Variants in NUS1 observed in about 807,000 individuals in gnomAD.
NUS1 encodes NUS1 dehydrodolichyl diphosphate synthase subunit.
For synonymous variants in NUS1, 135 were observed against 155.2 expected, an observed-to-expected ratio of 0.87 and a Z score of 0.97; for missense variants, 292 against 382.9, an observed-to-expected ratio of 0.76 and a Z score of 1.98.
chr6:117,709,555 G>A lies in NUS1; in HGVS notation c.*2540G>A, dbSNP rs1773547263. 1 of 148,462 alleles carries A rather than the reference G, an allele frequency of 6.7e-6. No individual in the cohort carries two copies. The highest frequency in any genetic ancestry group is 1.5e-5 in the Non-Finnish European group (1 of 67,048). The allele number at this position is 148,462 out of a possible 1,614,324, so 9.2% of individuals were successfully genotyped here. A position where few individuals can be genotyped will look rare whatever the true frequency, so the allele number is the denominator to read the frequency against. On this transcript the variant is annotated 3_prime_UTR_variant, in exon 5 of 5. Coordinates refer to ENST00000368494, the MANE Select transcript of NUS1 (RefSeq NM_138459.5). ...GAGAGGAAGGTGTTATAATATTAAT[G>A]AACAGTGCCAAATACACTGTGCATA...
chr6:117,685,075 T>C (rs989775473), intron 1 of NUS1, among the ~76,000 whole-genome samples: 3 of 152,186 alleles, frequency 2.0e-5, no homozygotes, highest in Non-Finnish European at 4.4e-5. Flanking sequence ...GAACATCTTA[T>C]TTTTTAAGAC....
At chr6:117,701,539 C>T (rs529874534) in intron 3 of NUS1, among the ~76,000 whole-genome samples, 11 of 152,168 alleles carry the variant, frequency 7.2e-5, no homozygotes, top group African/African-American at 1.7e-4. Flanking sequence ...CCACCACGCC[C>T]GGCCGGGTTC....
At chr6:117,683,560 AT>A (rs1476001558) in intron 1 of NUS1, among the ~76,000 whole-genome samples, 1 of 152,226 alleles carries the variant, frequency 6.6e-6, no homozygotes, top group Non-Finnish European at 1.5e-5. Flanking sequence ...TAGAACAGGC[AT>A]TTATTTATAA....
intron 1 of NUS1, among the ~76,000 whole-genome samples, chr6:117,689,570 T>G (rs140436869): frequency 2.0e-5 from 3 of 152,002 alleles, no homozygotes; most frequent in Admixed American, 6.6e-5. Context: ...TGTTTTTTTT[T>G]GTCTGTTTTA....
At chr6:117,706,800 G>A (rs1475609947) in intron 4 of NUS1, 125 bp from the exon 5 acceptor site, 2 of 715,078 alleles carry the variant, frequency 2.8e-6, no homozygotes, top group Non-Finnish European at 5.0e-6. Flanking sequence ...CTGTCATGGT[G>A]CTGTCTGGTG....
intron 1 of NUS1, among the ~76,000 whole-genome samples, chr6:117,683,706 T>C (rs1773096165): frequency 6.6e-6 from 1 of 152,192 alleles, no homozygotes; most frequent in Admixed American, 6.5e-5. Flanking sequence ...TCTGTTTCTG[T>C]AGAAGGGAAT....
intron 3 of NUS1, among the ~76,000 whole-genome samples, chr6:117,701,114 C>G (rs554273878): frequency 6.6e-6 from 1 of 150,676 alleles, no homozygotes; most frequent in South Asian, 2.1e-4. Context: ...TTTAAAAAAA[C>G]TCTGCTGGGG....
intron 4 of NUS1, among the ~76,000 whole-genome samples, chr6:117,704,989 T>C (rs1773479500): frequency 6.6e-6 from 1 of 152,140 alleles, no homozygotes; most frequent in Admixed American, 6.5e-5. Flanking sequence ...GTTGAACCTG[T>C]GAGAATATAG....
In NUS1 at chr6:117,676,205, C is replaced by T. The variant is rs1167588531; in HGVS notation, c.415+120C>T. ...GCCTCTCTGCAAATCACAGCGCTAG[C>T]GCTTTCGAGGAAGGGAGATCAGCTT... is the stretch of plus-strand genomic sequence containing the variant. On this transcript the variant is annotated intron_variant, in intron 1 of 4. Transcript: ENST00000368494. 2.0e-5 allele frequency: 29 copies of T among 1,456,688 alleles called. No individual in the cohort carries two copies. In the East Asian group the frequency reaches 6.0e-4, roughly 30 times the overall value. 90.2% of individuals were successfully genotyped at this position (1,456,688 alleles called of 1,614,324 possible).
Position 117,675,789 on chromosome 6 carries a change from G to C in NUS1, c.119G>C (p.Cys40Ser). ...FGTWNWIWRR[C>S]CRAASAAVLA... ...ACCTGGAACTGGATCTGGCGGCGCT[G>C]CTGCCGCGCCGCCTCTGCCGCGGTC... Residue 40 changes from cysteine (C) to serine (S), a missense_variant, in exon 1 of 5, where the codon TGC becomes TCC. Transcript: ENST00000368494. 1.3e-6 allele frequency: 2 copies of C among 1,561,474 alleles called. No homozygotes were observed. Among genetic ancestry groups the C allele is most frequent in the East Asian group, 2.4e-5 (1 of 41,952 alleles).
chr6:117,675,567 G>A lies in NUS1; in HGVS notation c.-104G>A, dbSNP rs1007237099. On this transcript the variant is annotated 5_prime_UTR_variant, in exon 1 of 5. Transcript: ENST00000368494. ...AAGGGGTTCGGGCTCGGGGGGCGGG[G>A]GGACGCGGAGCGATGGCCCGCGCCG... 3 of 1,209,780 alleles carry A rather than the reference G, an allele frequency of 2.5e-6. No homozygotes were observed. The highest frequency in any genetic ancestry group is 3.5e-6 in the Non-Finnish European group (3 of 869,388). The allele number at this position is 1,209,780 out of a possible 1,614,324, so 74.9% of individuals were successfully genotyped here. A position where few individuals can be genotyped will look rare whatever the true frequency, so the allele number is the denominator to read the frequency against.
At chr6:117,703,565 C>T in intron 3 of NUS1, 40 bp from the exon 4 acceptor site, 1 of 1,319,080 alleles carries the variant, frequency 7.6e-7, no homozygotes. Flanking sequence ...TGTGCACATG[C>T]AGTGCATGTT....
intron 1 of NUS1, among the ~76,000 whole-genome samples, chr6:117,679,674 G>A (rs935241482): frequency 6.6e-6 from 1 of 152,128 alleles, no homozygotes; most frequent in Non-Finnish European, 1.5e-5. Context: ...GGCTTCACAT[G>A]GTCTGGAGGT....
intron 4 of NUS1, among the ~76,000 whole-genome samples, chr6:117,706,659 T>C (rs1306051205): frequency 6.6e-6 from 1 of 152,122 alleles, no homozygotes; most frequent in African/African-American, 2.4e-5. Flanking sequence ...CTATCTTCAA[T>C]GAACACTCGT....
At chr6:117,696,197 G>T (rs528181510) in intron 3 of NUS1, among the ~76,000 whole-genome samples, 2 of 152,096 alleles carry the variant, frequency 1.3e-5, no homozygotes, top group South Asian at 4.1e-4. Flanking sequence ...GCAGAAGAAA[G>T]TTACAAGCTT....
At chr6:117,678,650 G>A (rs11968450) in intron 1 of NUS1, among the ~76,000 whole-genome samples, 8,967 of 150,228 alleles carry the variant, frequency 0.06, 333 homozygotes, top group Middle Eastern at 0.085. Flanking sequence ...AGACATGTAA[G>A]CTTTATTTAG....
At chr6:117,690,807 C>T (rs4516978) in intron 1 of NUS1, among the ~76,000 whole-genome samples, 64,073 of 151,572 alleles carry the variant, frequency 0.42, 17,045 homozygotes, top group Non-Finnish European at 0.6. Context: ...CTGGCTAACA[C>T]GGTGAAACCC....
At chr6:117,684,247 A>T (rs1157147913) in intron 1 of NUS1, among the ~76,000 whole-genome samples, 3 of 152,196 alleles carry the variant, frequency 2.0e-5, no homozygotes, top group Non-Finnish European at 4.4e-5. Context: ...CATGGATTTA[A>T]ATGTCACGTG....
chr6:117,675,696 G>C lies in NUS1; in HGVS notation c.26G>C (p.Trp9Ser). 6.6e-7 allele frequency: 1 copy of C among 1,505,552 alleles called. No homozygotes were observed. The highest frequency in any genetic ancestry group is 8.9e-7 in the Non-Finnish European group (1 of 1,119,438). The allele number at this position is 1,505,552 out of a possible 1,614,324, so 93.3% of individuals were successfully genotyped here. A position where few individuals can be genotyped will look rare whatever the true frequency, so the allele number is the denominator to read the frequency against. Residue 9 changes from tryptophan (W) to serine (S), a missense_variant, in exon 1 of 5, where the codon TGG (tryptophan) becomes TCG (serine). Physicochemically the swap from Trp to Ser is radical, Grantham distance 177 (BLOSUM62 -3). Coordinates refer to ENST00000368494, the MANE Select transcript of NUS1 (RefSeq NM_138459.5). MTGLYELV[W>S]RVLHALLCLH... is the part of the protein sequence containing the mutation. Reference sequence around the variant, plus strand: ...ATGACGGGGCTGTACGAGCTGGTGTGGCGGGTGCTGCACGCGCTGCTCTGT... The same window carrying C: ...ATGACGGGGCTGTACGAGCTGGTGTCGCGGGTGCTGCACGCGCTGCTCTGT...
Sources: gnomAD v4.1 joint callset for allele counts (sites outside exome capture counted in the v4.1 genomes callset) on GRCh38, gnomAD v4.1.1 for gene constraint, MANE v1.5 for transcripts, NCBI Gene and HGNC (gene_info 2026-07-23, HGNC 2026-07-21) for gene names.